CASP10: variants seen among roughly 807,000 people sequenced by gnomAD.
CASP10 encodes the protein caspase 10.
In CASP10, 41 loss-of-function variants were observed where a neutral mutation model predicts 48.5. That is an observed-to-expected ratio of 0.85 (90% CI 0.66 to 1.10). The LOEUF (loss-of-function observed/expected upper bound fraction) is 1.10. CASP10 is among the 50% of genes least tolerant of loss of function. The pLI, the probability that CASP10 is intolerant of heterozygous loss-of-function variation, is 0.00. For missense variants in CASP10, 614 were observed against 614.5 expected, an observed-to-expected ratio of 1.00 and a Z score of 0.01; for synonymous variants, 232 against 238.4, an observed-to-expected ratio of 0.97 and a Z score of 0.25.
rs773513528 is a variant in CASP10, at chr2:201,209,052, T to G, written c.923-18T>G. On this transcript the variant is annotated intron_variant, in intron 8 of 9. Transcript: ENST00000286186. ...CTCTCTCTCTCTCTCTTTTTTTTTT[T>G]TTTTTGTTTTTAAACAGAGATCCTG... is the stretch of plus-strand genomic sequence containing the variant. 6.2e-6 allele frequency: 10 copies of G among 1,603,216 alleles called. No individual in the cohort carries two copies. Among genetic ancestry groups the G allele is most frequent in the African/African-American group, 1.4e-5 (1 of 73,580 alleles).
intron 7 of CASP10, among the ~76,000 whole-genome samples, chr2:201,207,241 G>C (rs1945235303): frequency 6.6e-6 from 1 of 152,184 alleles, no homozygotes; most frequent in Admixed American, 6.5e-5. Flanking sequence ...GTGAGTTGCA[G>C]AGTAGTCAGA....
At chr2:201,215,141 A>C (rs796678511) in intron 9 of CASP10, among the ~76,000 whole-genome samples, 32 of 150,190 alleles carry the variant, frequency 2.1e-4, no homozygotes, top group African/African-American at 7.6e-4. Context: ...ATGTATTCTA[A>C]ATATTAACTC....
intron 4 of CASP10, among the ~76,000 whole-genome samples, chr2:201,194,745 T>C (rs1342912950): frequency 1.3e-5 from 2 of 152,220 alleles, no homozygotes; most frequent in Non-Finnish European, 2.9e-5. Flanking sequence ...TGATTACATT[T>C]GCCTCAGTGA....
rs573524081 is a variant in CASP10 at position 201,192,968 on chromosome 2, A to G, written c.442-16A>G. 3.7e-6 allele frequency: 6 copies of G among 1,612,280 alleles called. No individual in the cohort carries two copies. The highest frequency in any genetic ancestry group is 2.2e-5 in the East Asian group (1 of 44,802). On this transcript the variant is annotated splice_polypyrimidine_tract_variant and intron_variant, in intron 3 of 9. Coordinates refer to ENST00000286186, the MANE Select transcript of CASP10 (RefSeq NM_032977.4). Reference sequence around the variant, plus strand: ...TCAATAGGCAAGTAAATGTAACTCTATTGATTCTCTTGTAGACCTCCCTAA... The same window carrying G: ...TCAATAGGCAAGTAAATGTAACTCTGTTGATTCTCTTGTAGACCTCCCTAA...
exon 10 of CASP10, chr2:201,229,122 C>G (rs201178199): frequency 5.1e-5 from 83 of 1,613,116 alleles, no homozygotes; most frequent in Non-Finnish European, 4.2e-5. Flanking sequence ...CTTCCAGCCA[C>G]ATCGCCTGAG....
chr2:201,200,787 C>T (rs1944991073), intron 5 of CASP10: 1 of 1,095,242 alleles, frequency 9.1e-7, no homozygotes, highest in Non-Finnish European at 1.1e-6. Context: ...TGGGAAATAA[C>T]ACAGAATTGC....
At chr2:201,196,987 A>T (rs1944818920) in intron 5 of CASP10, among the ~76,000 whole-genome samples, 1 of 152,152 alleles carries the variant, frequency 6.6e-6, no homozygotes, top group South Asian at 2.1e-4. Flanking sequence ...TTCAGGGTTC[A>T]TCCAAGTTGT....
intron 2 of CASP10, among the ~76,000 whole-genome samples, chr2:201,187,192 T>G (rs1405259861): frequency 6.6e-6 from 1 of 152,232 alleles, no homozygotes; most frequent in Non-Finnish European, 1.5e-5. Context: ...TTCTGCTGGC[T>G]AAACATCTGA....
chr2:201,214,452 G>A (rs1945504329), intron 9 of CASP10: 1 of 152,122 alleles, frequency 6.6e-6, no homozygotes, highest in Non-Finnish European at 1.5e-5. Flanking sequence ...TAGTAGTCAG[G>A]CTGTTAAGAT....
At chr2:201,229,149 A>T in exon 10 of CASP10, 2 of 1,604,042 alleles carry the variant, frequency 1.2e-6, no homozygotes, top group East Asian at 4.5e-5. Flanking sequence ...AACGCCCTAC[A>T]GCAAGACGGA....
At chr2:201,229,232 G>C (rs1029816849) in exon 10 of CASP10, 1 of 858,242 alleles carries the variant, frequency 1.2e-6, no homozygotes, top group East Asian at 2.4e-5. Flanking sequence ...GCACTCTTCT[G>C]TTCCCTTACT....
Position 201,209,333 on chromosome 2 carries a change from T to C in CASP10, c.1186T>C (p.Phe396Leu), listed in dbSNP as rs892868578. ...TAGACTGGCTGAAAAACCTAAACTC[T>C]TTTTCATCCAGGCCTGCCAAGGTGA... The part of the protein sequence containing the change: ...CPRLAEKPKL[F>L]FIQACQGEEI... Residue 396 changes from phenylalanine (F) to leucine (L), a missense_variant, in exon 9 of 10, where the codon TTT (phenylalanine) becomes CTT (leucine). By Grantham distance (22) the Phe-to-Leu change is conservative. Coordinates refer to ENST00000286186, the MANE Select transcript of CASP10 (RefSeq NM_032977.4). The C allele has an allele frequency of 4.3e-6, 7 of 1,614,034 alleles. No homozygotes were observed. Among genetic ancestry groups the C allele is most frequent in the Admixed American group, 1.7e-5 (1 of 60,000 alleles).
At chr2:201,203,556 C>T (rs929838464) in intron 5 of CASP10, among the ~76,000 whole-genome samples, 174 bp from the exon 6 acceptor site, 7 of 152,184 alleles carry the variant, frequency 4.6e-5, no homozygotes, top group Non-Finnish European at 1.0e-4. Context: ...ATCCACCTGC[C>T]TTGGCCTCCC....
At position 201,221,354 on chromosome 2, in the gene CASP10, C is replaced by T. The variant is rs774470649; in HGVS notation, c.*3613C>T. On this transcript the variant is annotated 3_prime_UTR_variant, in exon 10 of 10. Transcript: ENST00000286186. ...GCCATCATATCCCTTGTGACCTGCA[C>T]ATATATATCCAGATGGCCTGAAGTA... The T allele has an allele frequency of 2.5e-4, 218 of 865,138 alleles. 2 individuals carry two copies. The highest frequency in any genetic ancestry group is 1.2e-3 in the Middle Eastern group (2 of 1,720). The allele number at this position is 865,138 out of a possible 1,614,324, so 53.6% of individuals were successfully genotyped here.
intron 9 of CASP10, among the ~76,000 whole-genome samples, chr2:201,228,327 C>T (rs569156895): frequency 1.6e-4 from 24 of 152,108 alleles, no homozygotes; most frequent in Non-Finnish European, 3.1e-4. Flanking sequence ...GGTGACACAG[C>T]GAGACTCCCT....
intron 5 of CASP10, among the ~76,000 whole-genome samples, chr2:201,196,310 G>A (rs750929833): frequency 1.5e-4 from 23 of 152,184 alleles, no homozygotes; most frequent in Non-Finnish European, 2.9e-4. Context: ...AGCACAGGGC[G>A]TCTGATAGTA....
chr2:201,201,150 A>T (rs935704400), intron 5 of CASP10, among the ~76,000 whole-genome samples: 5 of 152,140 alleles, frequency 3.3e-5, no homozygotes, highest in Middle Eastern at 3.4e-3. Flanking sequence ...CCCGGGTTCA[A>T]ATGATTCTCA....
At chr2:201,203,050 A>G (rs1029530525) in intron 5 of CASP10, among the ~76,000 whole-genome samples, 1 of 152,150 alleles carries the variant, frequency 6.6e-6, no homozygotes, top group African/African-American at 2.4e-5. Context: ...TGCTTTCTCC[A>G]TATGACAGCA....
In CASP10 at chr2:201,185,758, C is replaced by G; in HGVS notation, c.-7-13C>G. On this transcript the variant is annotated splice_polypyrimidine_tract_variant and intron_variant, in intron 1 of 9. Transcript: ENST00000286186. ...CTCTCTAACTCCCTGCCCCACCTCT[C>G]TGTCCCTTTCAGGCTGGCCATGAAA... 6.4e-7 allele frequency: 1 copy of G among 1,573,932 alleles called. No homozygotes were observed. Among genetic ancestry groups the G allele is most frequent in the Non-Finnish European group, 8.7e-7 (1 of 1,143,560 alleles).
Sources: allele counts gnomAD v4.1 joint callset (sites outside exome capture counted in the v4.1 genomes callset), GRCh38; gene constraint gnomAD v4.1.1; transcripts MANE v1.5; gene names NCBI Gene and HGNC (gene_info 2026-07-23, HGNC 2026-07-21).